Variants in HM13 observed in about 807,000 individuals in gnomAD.
The protein encoded by HM13 is signal peptide peptidase.
A neutral mutation model predicts 50.0 loss-of-function variants in HM13; 18 were observed. That is an observed-to-expected ratio of 0.36 (90% CI 0.25 to 0.53). HM13 has a LOEUF of 0.53. HM13 is among the 20% of genes least tolerant of loss of function. The pLI is 0.90. For synonymous variants in HM13, 197 were observed against 232.6 expected (o/e 0.85, Z 1.39); for missense variants, 393 against 552.4 (o/e 0.71, Z 2.89).
intron 3 of HM13, chr20:31,538,738 C>G: frequency 1.3e-6 from 1 of 766,874 alleles, no homozygotes; most frequent in Non-Finnish European, 1.6e-6. Context: ...CTTAATAGCT[C>G]TGTGATCTTG....
At chr20:31,539,158 G>A (rs1568787938) in intron 3 of HM13, 1 of 985,410 alleles carries the variant, frequency 1.0e-6, no homozygotes, top group Non-Finnish European at 1.2e-6. Context: ...TTTTATTTTG[G>A]ACAGGCCAGT....
chr20:31,554,733 C>T lies in HM13; in HGVS notation c.725-13C>T, dbSNP rs1984218958. 1 of 1,612,846 alleles carries T rather than the reference C, an allele frequency of 6.2e-7. No homozygotes were observed. Among genetic ancestry groups the T allele is most frequent in the Non-Finnish European group, 8.5e-7 (1 of 1,179,154 alleles). On this transcript the variant is annotated splice_polypyrimidine_tract_variant and intron_variant, in intron 7 of 12. Coordinates refer to ENST00000398174, the MANE Select transcript of HM13 (RefSeq NM_178581.3). Reference sequence around the variant, plus strand: ...CTCCAGCTGACTCCTCACATTCCCGCCTCCCGCTTCAGTGGTGTTTCCCCA... The same window carrying T: ...CTCCAGCTGACTCCTCACATTCCCGTCTCCCGCTTCAGTGGTGTTTCCCCA...
chr20:31,548,982 G>T, intron 4 of HM13, 47 bp from the exon 5 acceptor site: 1 of 1,522,618 alleles, frequency 6.6e-7, no homozygotes, highest in South Asian at 1.1e-5. Flanking sequence ...CAGGTGGGAG[G>T]GGTAGCCCTG....
chr20:31,515,819 A>G (rs561795466), intron 1 of HM13, among the ~76,000 whole-genome samples: 4 of 151,714 alleles, frequency 2.6e-5, no homozygotes, highest in East Asian at 1.9e-4. Context: ...TTCCTCCACA[A>G]CCTCTTAATC....
intron 2 of HM13, among the ~76,000 whole-genome samples, chr20:31,528,822 C>G (rs1289227551): frequency 6.6e-6 from 1 of 152,064 alleles, no homozygotes; most frequent in Admixed American, 6.6e-5. Flanking sequence ...GTTGCCCAGT[C>G]TGGTCTCAAA....
intron 2 of HM13, among the ~76,000 whole-genome samples, chr20:31,534,032 A>G (rs1483940176): frequency 1.3e-5 from 2 of 151,890 alleles, no homozygotes; most frequent in Non-Finnish European, 2.9e-5. Context: ...GGCATGCACC[A>G]CCACGCCCGC....
At chr20:31,522,463 G>A (rs548852450) in intron 1 of HM13, among the ~76,000 whole-genome samples, 6 of 151,926 alleles carry the variant, frequency 3.9e-5, no homozygotes, top group South Asian at 2.1e-4. Context: ...TCAGGAGGCC[G>A]AGGCAGAGAA....
chr20:31,547,963 G>T, intron 4 of HM13: 2 of 1,518,932 alleles, frequency 1.3e-6, no homozygotes, highest in Non-Finnish European at 1.8e-6. Context: ...GTCTGCAGAA[G>T]ATATTGAGAA....
intron 3 of HM13, chr20:31,541,418 G>T (rs1462557617): frequency 6.6e-6 from 1 of 151,698 alleles, no homozygotes; most frequent in Non-Finnish European, 1.5e-5. Flanking sequence ...GAGGCAGAGA[G>T]GTTGCAGTGA....
At chr20:31,538,870 A>T (rs1405643034) in intron 3 of HM13, 1 of 207,862 alleles carries the variant, frequency 4.8e-6, no homozygotes, top group African/African-American at 2.4e-5. Flanking sequence ...TAAAGTGTTC[A>T]GTAACTATTA....
At chr20:31,532,737 C>T (rs1017613083) in intron 2 of HM13, among the ~76,000 whole-genome samples, 1 of 152,202 alleles carries the variant, frequency 6.6e-6, no homozygotes, top group Admixed American at 6.5e-5. Flanking sequence ...CTCTCTGTAC[C>T]TTAAGATCTC....
At chr20:31,523,554 C>T (rs1440826062) in intron 1 of HM13, among the ~76,000 whole-genome samples, 1 of 152,178 alleles carries the variant, frequency 6.6e-6, no homozygotes, top group Non-Finnish European at 1.5e-5. Flanking sequence ...TGAGCCACCA[C>T]GCCCAGCCAG....
intron 1 of HM13, among the ~76,000 whole-genome samples, chr20:31,516,553 T>G (rs1367084988): frequency 1.3e-5 from 2 of 152,194 alleles, no homozygotes; most frequent in East Asian, 3.8e-4. Context: ...GAGGTAGGCC[T>G]GAGCCTTGAC....
intron 3 of HM13, chr20:31,538,681 G>T: frequency 9.2e-7 from 1 of 1,085,330 alleles, no homozygotes; most frequent in Non-Finnish European, 1.1e-6. Flanking sequence ...AGTTAGGAGC[G>T]TGGGCTCTGG....
At chr20:31,548,332 A>G in intron 4 of HM13, 1 of 321,420 alleles carries the variant, frequency 3.1e-6, no homozygotes. Flanking sequence ...CTTCTTAGGA[A>G]GCTTGGAAGC....
At chr20:31,546,044 CTTTTTTTTTTTT>C (rs35862306) in intron 4 of HM13, among the ~76,000 whole-genome samples, 4 of 103,238 alleles carry the variant, frequency 3.9e-5, no homozygotes, top group Admixed American at 1.1e-4. Context: ...AAATCTAGCA[CTTTTTTTTTTTT>C]TTTTTTTTTT....
chr20:31,552,928 T>C (rs1478517106), intron 7 of HM13, among the ~76,000 whole-genome samples: 1 of 151,884 alleles, frequency 6.6e-6, no homozygotes, highest in East Asian at 1.9e-4. Context: ...TGAGCCAAGA[T>C]CACACCACTG....
In HM13 at chr20:31,550,106, G is replaced by A. The variant is rs777141256; in HGVS notation, c.709G>A (p.Glu237Lys). The A allele has an allele frequency of 1.4e-5, 23 of 1,613,638 alleles. No individual in the cohort carries two copies. Among genetic ancestry groups the A allele is most frequent in the East Asian group, 2.2e-5 (1 of 44,862 alleles). Residue 237 changes from glutamate to lysine, a missense_variant, in exon 7 of 13, where the codon GAG becomes AAG. Glu to Lys is a moderately conservative substitution (Grantham distance 56, BLOSUM62 1). Coordinates refer to ENST00000398174, the MANE Select transcript of HM13 (RefSeq NM_178581.3). ...NVMVTVAKSF[E>K]APIKLVFPQD... ...GATGGTGACAGTGGCCAAGTCCTTC[G>A]AGGCACCAATAAAATGTAAGTGACC... is the stretch of plus-strand genomic sequence containing the variant.
rs530412970 is a variant in HM13 at position 31,545,327 on chromosome 20, A to G, written c.454+292A>G. On this transcript the variant is annotated intron_variant, in intron 4 of 12. Coordinates refer to ENST00000398174, the MANE Select transcript of HM13 (RefSeq NM_178581.3). The stretch of plus-strand genomic sequence containing the variant: ...GTCATGTTGTTAAGATGGCGAGTCA[A>G]TAAGTGGAAAGCATTCAGCATGGTG... 2.2e-4 allele frequency among the ~76,000 whole-genome samples: 34 copies of G among 152,250 alleles called. No homozygotes were observed. Among genetic ancestry groups the G allele is most frequent in the Non-Finnish European group, 3.4e-4 (23 of 68,032 alleles).
Sources: gnomAD v4.1 joint callset for allele counts (sites outside exome capture counted in the v4.1 genomes callset) on GRCh38, gnomAD v4.1.1 for gene constraint, MANE v1.5 for transcripts, NCBI Gene and HGNC (gene_info 2026-07-23, HGNC 2026-07-21) for gene names.